KCNIP4: variants seen among roughly 807,000 people sequenced by gnomAD.
KCNIP4 encodes Kv channel-interacting protein 4.
Under a neutral mutation model 34.0 loss-of-function variants are expected in KCNIP4, and 12 were observed. The observed-to-expected ratio is 0.35, with a 90% CI of 0.23 to 0.57. The LOEUF (loss-of-function observed/expected upper bound fraction) is 0.57, where lower values mean the gene tolerates loss of function less well. Ranked by LOEUF, KCNIP4 falls within the 20% of genes least tolerant of loss-of-function variation. KCNIP4 has a pLI of 0.83. For missense variants in KCNIP4, 238 were observed against 311.7 expected, an observed-to-expected ratio of 0.76 and a Z score of 1.78; for synonymous variants, 124 against 102.2, an observed-to-expected ratio of 1.21 and a Z score of -1.29.
At chr4:21,618,158 G>A (rs1266256657) in intron 1 of KCNIP4, among the ~76,000 whole-genome samples, 1 of 152,080 alleles carries the variant, frequency 6.6e-6, no homozygotes, top group Non-Finnish European at 1.5e-5. Flanking sequence ...AGTTTGCTGT[G>A]GTACTCTAAA....
intron 1 of KCNIP4, among the ~76,000 whole-genome samples, chr4:21,815,526 A>G (rs971794614): frequency 1.8e-4 from 27 of 152,128 alleles, no homozygotes; most frequent in Non-Finnish European, 4.4e-5. Context: ...TTCAAACAAG[A>G]TAAAAGGAAA....
At chr4:21,761,758 G>C (rs1240582951) in intron 1 of KCNIP4, among the ~76,000 whole-genome samples, 1 of 151,854 alleles carries the variant, frequency 6.6e-6, no homozygotes, top group Non-Finnish European at 1.5e-5. Flanking sequence ...GAGGAAGAGA[G>C]GGGAAAATTG....
chr4:21,128,319 T>C (rs1265235534), intron 1 of KCNIP4, among the ~76,000 whole-genome samples: 1 of 152,134 alleles, frequency 6.6e-6, no homozygotes, highest in Non-Finnish European at 1.5e-5. Flanking sequence ...GATTAAAACG[T>C]TTTGTCAAAG....
chr4:21,805,934 G>A (rs1721266327), intron 1 of KCNIP4, among the ~76,000 whole-genome samples: 1 of 152,168 alleles, frequency 6.6e-6, no homozygotes, highest in Non-Finnish European at 1.5e-5. Flanking sequence ...AATTAGGCAT[G>A]ATGAAATGAA....
intron 1 of KCNIP4, among the ~76,000 whole-genome samples, chr4:21,776,017 G>C (rs997560585): frequency 2.0e-5 from 3 of 152,228 alleles, no homozygotes; most frequent in Non-Finnish European, 4.4e-5. Context: ...TTCCAGCTGA[G>C]AGGCTGCAAG....
At chr4:21,091,231 G>A (rs918393285) in intron 1 of KCNIP4, among the ~76,000 whole-genome samples, 2 of 152,112 alleles carry the variant, frequency 1.3e-5, no homozygotes, top group Non-Finnish European at 2.9e-5. Flanking sequence ...CAAGCACTTG[G>A]CTAGCTTCTG....
intron 1 of KCNIP4, among the ~76,000 whole-genome samples, chr4:20,931,191 A>G (rs1730432345): frequency 6.6e-6 from 1 of 151,730 alleles, no homozygotes; most frequent in South Asian, 2.1e-4. Flanking sequence ...ACACACACAC[A>G]CACACAGACA....
intron 5 of KCNIP4, among the ~76,000 whole-genome samples, chr4:20,747,856 T>C (rs574443439): frequency 6.2e-4 from 95 of 152,168 alleles, no homozygotes; most frequent in Non-Finnish European, 1.2e-3. Flanking sequence ...CTGCACCCTA[T>C]TTTTTTCATC....
chr4:21,813,741 C>T (rs1233970960), intron 1 of KCNIP4, among the ~76,000 whole-genome samples: 2 of 152,168 alleles, frequency 1.3e-5, no homozygotes, highest in Non-Finnish European at 2.9e-5. Context: ...CATATACTTT[C>T]TCACATCAAA....
At chr4:21,930,624 C>T (rs1729511522) in intron 1 of KCNIP4, among the ~76,000 whole-genome samples, 1 of 152,082 alleles carries the variant, frequency 6.6e-6, no homozygotes, top group South Asian at 2.1e-4. Flanking sequence ...ATTTTTCACA[C>T]AAATCTGAGC....
intron 1 of KCNIP4, among the ~76,000 whole-genome samples, chr4:21,239,442 T>G (rs1021703044): frequency 1.3e-5 from 2 of 151,508 alleles, no homozygotes; most frequent in East Asian, 3.9e-4. Flanking sequence ...ACAGGCAACC[T>G]ACAGAATGGG....
intron 1 of KCNIP4, among the ~76,000 whole-genome samples, chr4:21,097,936 G>A (rs748236240): frequency 2.0e-5 from 3 of 152,158 alleles, no homozygotes; most frequent in South Asian, 2.1e-4. Flanking sequence ...TAGCCAAGTT[G>A]TGAATGCAAA....
chr4:20,731,770 T>C, intron 8 of KCNIP4: 1 of 985,422 alleles, frequency 1.0e-6, no homozygotes, highest in Non-Finnish European at 1.2e-6. Flanking sequence ...ACAGTACATG[T>C]ACAACTTTTG....
intron 1 of KCNIP4, among the ~76,000 whole-genome samples, chr4:21,614,881 T>A (rs1744467159): frequency 6.6e-6 from 1 of 152,058 alleles, no homozygotes. Flanking sequence ...CATGGAGGGA[T>A]CTTAAAGGCA....
chr4:20,749,156 A>C (rs55819488), intron 5 of KCNIP4, among the ~76,000 whole-genome samples: 46,015 of 109,670 alleles, frequency 0.42, 7,513 homozygotes, highest in African/African-American at 0.51. Context: ...AGACTCTTTC[A>C]AAAAAAAAAA....
intron 1 of KCNIP4, among the ~76,000 whole-genome samples, chr4:20,942,198 T>G (rs1731706906): frequency 6.6e-6 from 1 of 152,200 alleles, no homozygotes; most frequent in Non-Finnish European, 1.5e-5. Flanking sequence ...TGGCCACTGC[T>G]GCAATGAGTG....
In KCNIP4 at chr4:20,728,656, A is replaced by G. The variant is rs1746761546; in HGVS notation, c.*1426T>C. ...TTTTATTTTTTCTTTTTGAAATACA[A>G]AATGTGCACATTGAGTTTACACAAA... On this transcript the variant is annotated 3_prime_UTR_variant, in exon 9 of 9. Coordinates refer to ENST00000382152, the MANE Select transcript of KCNIP4 (RefSeq NM_025221.6). 6.6e-6 allele frequency: 1 copy of G among 152,616 alleles called. No individual in the cohort carries two copies. Among genetic ancestry groups the G allele is most frequent in the Non-Finnish European group, 1.5e-5 (1 of 68,036 alleles). The allele number at this position is 152,616 out of a possible 1,614,324, so 9.5% of individuals were successfully genotyped here. A position where few individuals can be genotyped will look rare whatever the true frequency, so the allele number is the denominator to read the frequency against.
intron 1 of KCNIP4, among the ~76,000 whole-genome samples, chr4:21,885,278 A>T (rs1726699171): frequency 6.6e-6 from 1 of 152,148 alleles, no homozygotes; most frequent in African/African-American, 2.4e-5. Context: ...TTATCAAGCA[A>T]TTATTATTGA....
At chr4:21,270,610 C>T (rs904968346) in intron 1 of KCNIP4, among the ~76,000 whole-genome samples, 9 of 152,144 alleles carry the variant, frequency 5.9e-5, no homozygotes, top group African/African-American at 2.2e-4. Context: ...CCACCTTTTT[C>T]TGGTTTCTCC....
Sources: allele counts gnomAD v4.1 joint callset (sites outside exome capture counted in the v4.1 genomes callset), GRCh38; gene constraint gnomAD v4.1.1; transcripts MANE v1.5; gene names NCBI Gene and HGNC (gene_info 2026-07-23, HGNC 2026-07-21).